The following PEMT variants were observed in gnomAD, a reference collection of about 807,000 sequenced individuals.
PEMT encodes the protein phospholipid methyltransferase.
Under a neutral mutation model 27.4 loss-of-function variants are expected in PEMT, and 23 were observed. The observed-to-expected ratio is 0.84, with a 90% CI of 0.60 to 1.19. The LOEUF (loss-of-function observed/expected upper bound fraction) is 1.19, where lower values mean the gene tolerates loss of function less well. Among genes scored for constraint, PEMT ranks in the 50% most tolerant of loss-of-function variants. The probability of loss-of-function intolerance (pLI) is 0.00; values close to 1 mark genes in which losing one functional copy is unlikely to be tolerated. For missense variants in PEMT, 307 were observed against 310.1 expected (o/e 0.99, Z 0.07); for synonymous variants, 137 against 139.1 (o/e 0.98, Z 0.11).
chr17:17,547,657 CTCCTCCTCCTCCTCCTCATCCTCCTCG>C lies in PEMT; in HGVS notation c.205-25289_205-25263del, dbSNP rs1009065466. ...TGTCTGGAAAGCCTCCCTCCTCTTC[CTCCTCCTCCTCCTCCTCATCCTCCTCG>C]TCCTCCTCCTCCTGTCTGGGGCACA... On this transcript the variant is annotated intron_variant, in intron 2 of 6. Coordinates refer to ENST00000255389, the MANE Select transcript of PEMT (RefSeq NM_148172.3). Among the ~76,000 whole-genome samples, 86 of 150,920 alleles carry C rather than the reference CTCCTCCTCCTCCTCCTCATCCTCCTCG, an allele frequency of 5.7e-4. 2 individuals are homozygous for C. In the East Asian group the frequency reaches 0.014, roughly 24 times the overall value.
chr17:17,559,230 G>A (rs1438400490), intron 2 of PEMT, among the ~76,000 whole-genome samples: 5 of 152,230 alleles, frequency 3.3e-5, no homozygotes. Flanking sequence ...CTTCAGAAAA[G>A]GGGACCCTGG....
intron 2 of PEMT, among the ~76,000 whole-genome samples, chr17:17,552,073 G>A (rs913314783): frequency 5.9e-5 from 9 of 152,106 alleles, no homozygotes; most frequent in African/African-American, 1.9e-4. Context: ...ACGGTGGTGC[G>A]TGCCTGTAAT....
chr17:17,541,471 C>T lies in PEMT; in HGVS notation c.205-19076G>A, dbSNP rs574050087. Among the ~76,000 whole-genome samples the T allele has an allele frequency of 3.3e-5, 5 of 152,364 alleles. No individual in the cohort carries two copies. The East Asian group carries it at 7.7e-4, about 24-fold the overall frequency. ...AGAAGGCTGGCAGGCAGCCCCAAGA[C>T]CACCGGCCGCAGCAGCAGCGGGGCA... On this transcript the variant is annotated intron_variant, in intron 2 of 6. Coordinates refer to ENST00000255389, the MANE Select transcript of PEMT (RefSeq NM_148172.3).
intron 2 of PEMT, among the ~76,000 whole-genome samples, chr17:17,531,245 GAAGAACACT>G (rs1908071256): frequency 6.6e-6 from 1 of 152,148 alleles, no homozygotes; most frequent in South Asian, 2.1e-4. Context: ...GGAAACGCCA[GAAGAACACT>G]AAGAAACACT....
At chr17:17,562,533 G>A (rs1452744604) in intron 2 of PEMT, among the ~76,000 whole-genome samples, 6 of 152,352 alleles carry the variant, frequency 3.9e-5, no homozygotes, top group Non-Finnish European at 5.9e-5. Flanking sequence ...GCCCCTGGCC[G>A]GGCACGGTGG....
At chr17:17,517,878 C>T (rs1906959930) in intron 3 of PEMT, 2 of 694,224 alleles carry the variant, frequency 2.9e-6, no homozygotes, top group Non-Finnish European at 3.5e-6. Flanking sequence ...CGTAAGGCTT[C>T]TTCAGCCAGG....
intron 3 of PEMT, among the ~76,000 whole-genome samples, chr17:17,519,293 C>A (rs1456629205): frequency 6.6e-6 from 1 of 152,012 alleles, no homozygotes; most frequent in Non-Finnish European, 1.5e-5. Flanking sequence ...TGCCTCTGAA[C>A]ACAAAAGGTG....
intron 2 of PEMT, among the ~76,000 whole-genome samples, chr17:17,565,531 G>A (rs1457756134): frequency 6.6e-6 from 1 of 152,256 alleles, no homozygotes; most frequent in Non-Finnish European, 1.5e-5. Flanking sequence ...TGCCACGCCT[G>A]GCAGGAAATG....
chr17:17,511,607 C>G (rs1236498733), intron 4 of PEMT, among the ~76,000 whole-genome samples: 1 of 152,238 alleles, frequency 6.6e-6, no homozygotes, highest in Non-Finnish European at 1.5e-5. Context: ...CCACTGAAGC[C>G]GAGTGACTTC....
intron 2 of PEMT, among the ~76,000 whole-genome samples, chr17:17,524,188 C>T (rs921608960): frequency 6.6e-6 from 1 of 152,226 alleles, no homozygotes; most frequent in South Asian, 2.1e-4. Flanking sequence ...GTTAGCAGCA[C>T]TGTCCACGGT....
At chr17:17,592,045 C>T, upstream of PEMT, 1 of 985,476 alleles carries the variant, frequency 1.0e-6, no homozygotes, top group East Asian at 1.1e-4. Flanking sequence ...CAGCTTCCCG[C>T]GCAGCCTCCT....
In PEMT at chr17:17,561,838, G is replaced by A. The variant is rs956537280; in HGVS notation, c.204+15082C>T. 2.6e-4 allele frequency among the ~76,000 whole-genome samples: 40 copies of A among 152,228 alleles called. No individual in the cohort carries two copies. The highest frequency in any genetic ancestry group is 1.4e-4 in the African/African-American group (6 of 41,458). ...CCACTTCCACGTGGCTACCTCACGC[G>A]GACGCCCCACGTGCGGCCTGACCCA... On this transcript the variant is annotated intron_variant, in intron 2 of 6. Coordinates refer to ENST00000255389, the MANE Select transcript of PEMT (RefSeq NM_148172.3). The surrounding 1 kb of genome is among the most constrained non-coding windows in gnomAD (Gnocchi z 4.5).
intron 2 of PEMT, among the ~76,000 whole-genome samples, chr17:17,537,023 G>A (rs1234465078): frequency 6.6e-6 from 1 of 152,248 alleles, no homozygotes; most frequent in East Asian, 1.9e-4. Flanking sequence ...AGGCCGGGGG[G>A]CACGGGAGGG....
rs548159483 is a variant in PEMT at position 17,536,877 on chromosome 17, G to A, written c.205-14482C>T. ...CAGGGCGGCTCTGGTTCATGGTGCT[G>A]TCGGGTCTGGCCCAGTCTGAGTGGA... On this transcript the variant is annotated intron_variant, in intron 2 of 6. Coordinates refer to ENST00000255389, the MANE Select transcript of PEMT (RefSeq NM_148172.3). 1.1e-4 allele frequency among the ~76,000 whole-genome samples: 17 copies of A among 152,340 alleles called. No individual in the cohort carries two copies. In the East Asian group the frequency reaches 3.3e-3, roughly 29 times the overall value.
intron 2 of PEMT, among the ~76,000 whole-genome samples, chr17:17,534,558 G>A (rs1184688368): frequency 6.6e-6 from 1 of 152,240 alleles, no homozygotes; most frequent in Non-Finnish European, 1.5e-5. Context: ...GCAGGGCACA[G>A]CGGCTCTTGC....
rs1480043389 is a variant in PEMT at position 17,517,743 on chromosome 17, G to A, written c.320+4537C>T. Reference sequence around the variant, plus strand: ...CCCCACGGCCTCTAGTATACAGAGCGCTGAGGTGAGTCCCCACCTGCCCTG... The same window carrying A: ...CCCCACGGCCTCTAGTATACAGAGCACTGAGGTGAGTCCCCACCTGCCCTG... On this transcript the variant is annotated intron_variant, in intron 3 of 6. Coordinates refer to ENST00000255389, the MANE Select transcript of PEMT (RefSeq NM_148172.3). Among the ~76,000 whole-genome samples the A allele has an allele frequency of 2.6e-5, 4 of 152,210 alleles. No homozygotes were observed. The East Asian group carries it at 5.8e-4, about 22-fold the overall frequency.
At position 17,566,536 on chromosome 17, in the gene PEMT, G is replaced by A. The variant is rs1247618051; in HGVS notation, c.204+10384C>T. On this transcript the variant is annotated intron_variant, in intron 2 of 6. Transcript: ENST00000255389. ...CCCGGGGCTAGGGCTCAGCACTGCC[G>A]CAGGGTTCAGGAAGGCACAGGGAGG... 3.9e-5 allele frequency among the ~76,000 whole-genome samples: 6 copies of A among 152,192 alleles called. No individual in the cohort carries two copies. In the South Asian group the frequency reaches 6.2e-4, roughly 16 times the overall value.
intron 2 of PEMT, among the ~76,000 whole-genome samples, chr17:17,569,082 T>C (rs551585364): frequency 1.3e-5 from 2 of 152,326 alleles, no homozygotes; most frequent in African/African-American, 4.8e-5. Flanking sequence ...ACTGTCCTGT[T>C]CTGCCCAGGA....
chr17:17,521,566 A>T (rs70959701), intron 3 of PEMT, among the ~76,000 whole-genome samples: 5,129 of 147,860 alleles, frequency 0.035, 208 homozygotes, highest in African/African-American at 0.099. Context: ...CTTTCTTTTA[A>T]AAAAAAAAAA....
Sources: allele counts gnomAD v4.1 joint callset (sites outside exome capture counted in the v4.1 genomes callset), GRCh38; gene constraint gnomAD v4.1.1; non-coding constraint Gnocchi (gnomAD v3.1); transcripts MANE v1.5; gene names NCBI Gene and HGNC (gene_info 2026-07-23, HGNC 2026-07-21).